EMC3: variants seen among roughly 807,000 people sequenced by gnomAD.
EMC3 encodes ER membrane protein complex subunit 3, also known as 30 kDa protein.
EMC3 carries 13 observed loss-of-function variants against 36.6 expected under a neutral mutation model. That is an observed-to-expected ratio of 0.35 (90% CI 0.23 to 0.56). The LOEUF (loss-of-function observed/expected upper bound fraction) is 0.56, where lower values mean the gene tolerates loss of function less well. Ranked by LOEUF, EMC3 falls within the 20% of genes least tolerant of loss-of-function variation. The pLI is 0.84. For synonymous variants in EMC3, 120 were observed against 111.9 expected (o/e 1.07, Z -0.46); for missense variants, 220 against 324.5 (o/e 0.68, Z 2.47).
At chr3:9,990,876 T>G (rs1214781711), upstream of EMC3, among the ~76,000 whole-genome samples, 1 of 151,636 alleles carries the variant, frequency 6.6e-6, no homozygotes, top group African/African-American at 2.4e-5. Context: ...TCGCCCAGGC[T>G]GTAGTGCAGT....
chr3:9,970,861 C>A (rs1306456133), intron 5 of EMC3, among the ~76,000 whole-genome samples, 200 bp from the exon 6 acceptor site: 1 of 152,058 alleles, frequency 6.6e-6, no homozygotes, highest in Admixed American at 6.6e-5. Flanking sequence ...TTCAAAAAAT[C>A]CAAAGGTGAC....
chr3:9,974,582 G>C (rs527868288), intron 3 of EMC3, 94 bp from the exon 4 acceptor site: 1 of 815,518 alleles, frequency 1.2e-6, no homozygotes, highest in Non-Finnish European at 2.0e-6. Flanking sequence ...TTTTTGAGAC[G>C]GAGTCCCGCT....
upstream of EMC3, among the ~76,000 whole-genome samples, chr3:9,990,323 C>CTTTTTT (rs1361164664): frequency 9.2e-6 from 1 of 109,120 alleles, no homozygotes; most frequent in African/African-American, 5.0e-5. Context: ...CCGGGCCTTT[C>CTTTTTT]TCTTTTTTTT....
chr3:10,000,908 A>G (rs2086190889), intron 1 of EMC3: 1 of 437,690 alleles, frequency 2.3e-6, no homozygotes, highest in African/African-American at 2.0e-5. Context: ...CACTGGGCAC[A>G]CTTCTGAACA....
intron 1 of EMC3, chr3:10,000,830 T>G (rs1267567289): frequency 2.0e-6 from 1 of 491,758 alleles, no homozygotes; most frequent in Non-Finnish European, 4.1e-6. Context: ...GCCTGACCTG[T>G]CTTCCGCCCG....
At chr3:9,974,266 T>A in intron 4 of EMC3, 118 bp downstream of exon 4, 1 of 690,448 alleles carries the variant, frequency 1.4e-6, no homozygotes, top group Non-Finnish European at 2.5e-6. Flanking sequence ...CATATTAAAT[T>A]TTTTGTTCAA....
intron 1 of EMC3, among the ~76,000 whole-genome samples, chr3:10,005,811 C>T (rs2086256037): frequency 6.6e-6 from 1 of 152,158 alleles, no homozygotes. Flanking sequence ...TATCCCATGG[C>T]CACCTACCTC....
chr3:9,992,569 TA>T (rs1447713051), intron 1 of EMC3, among the ~76,000 whole-genome samples: 1 of 152,254 alleles, frequency 6.6e-6, no homozygotes, highest in Non-Finnish European at 1.5e-5. Flanking sequence ...TGAAAATACA[TA>T]CTGGAGTTGG....
intron 1 of EMC3, chr3:10,004,533 C>G (rs1410335999): frequency 6.6e-6 from 1 of 152,320 alleles, no homozygotes; most frequent in Non-Finnish European, 1.5e-5. Flanking sequence ...ATTGAAGTTT[C>G]CACCTTCCCT....
chr3:10,006,819 G>A (rs1465290054), intron 1 of EMC3: 5 of 423,734 alleles, frequency 1.2e-5, no homozygotes, highest in Admixed American at 8.6e-5. Context: ...TGGAGAGGAC[G>A]AAGGCCCTGA....
At chr3:9,977,175 T>C (rs2085858706) in intron 2 of EMC3, 125 bp from the exon 3 acceptor site, 2 of 886,580 alleles carry the variant, frequency 2.3e-6, no homozygotes, top group Admixed American at 2.8e-5. Flanking sequence ...GCTGTCAGCC[T>C]ACTTGGCAGG....
At chr3:10,008,546 AAGAC>A (rs2086289396) in intron 1 of EMC3, 3 of 1,238,894 alleles carry the variant, frequency 2.4e-6, no homozygotes, top group Non-Finnish European at 3.3e-6. Context: ...GGGTTCCCAA[AAGAC>A]AGCCCAGAGA....
At chr3:9,972,936 C>T (rs1240285766) in intron 5 of EMC3, among the ~76,000 whole-genome samples, 2 of 148,486 alleles carry the variant, frequency 1.3e-5, no homozygotes, top group African/African-American at 5.0e-5. Flanking sequence ...TCATGCCATT[C>T]TCCTGCCTCA....
At chr3:9,970,887 C>T (rs976628851) in intron 5 of EMC3, among the ~76,000 whole-genome samples, 2 of 152,010 alleles carry the variant, frequency 1.3e-5, no homozygotes, top group Non-Finnish European at 2.9e-5. Context: ...TTCTGAATTC[C>T]ATTCCCTAGA....
intron 1 of EMC3, chr3:9,981,784 C>A: frequency 2.3e-6 from 1 of 429,648 alleles, no homozygotes. Context: ...CTTCTCAAAC[C>A]AGAGTTCCAA....
At chr3:9,999,767 G>T (rs955929616) in intron 1 of EMC3, among the ~76,000 whole-genome samples, 11 of 152,152 alleles carry the variant, frequency 7.2e-5, no homozygotes, top group African/African-American at 2.7e-4. Flanking sequence ...CAAGAGTGAA[G>T]TTTAACTTGT....
chr3:10,003,084 G>C (rs1303886578), intron 1 of EMC3: 2 of 456,546 alleles, frequency 4.4e-6, no homozygotes, highest in South Asian at 1.5e-5. Flanking sequence ...CCTATACCCA[G>C]AGCAACAGCA....
intron 1 of EMC3, among the ~76,000 whole-genome samples, chr3:9,997,306 G>A (rs1412771239): frequency 2.6e-5 from 4 of 150,954 alleles, no homozygotes; most frequent in African/African-American, 4.9e-5. Context: ...TCCTGACCTC[G>A]TGATCTACCC....
intron 7 of EMC3, chr3:9,969,290 T>A: frequency 9.1e-7 from 1 of 1,092,992 alleles, no homozygotes; most frequent in Non-Finnish European, 1.1e-6. Context: ...GTTTCTATCA[T>A]GAAACACAGT....
Sources: gnomAD v4.1 joint callset for allele counts (sites outside exome capture counted in the v4.1 genomes callset) on GRCh38, gnomAD v4.1.1 for gene constraint, MANE v1.5 for transcripts, NCBI Gene and HGNC (gene_info 2026-07-23, HGNC 2026-07-21) for gene names.